KIRREL3: variants seen among roughly 807,000 people sequenced by gnomAD.
KIRREL3 encodes the protein kin of IRRE-like protein 3.
A neutral mutation model predicts 89.7 loss-of-function variants in KIRREL3; 36 were observed. The observed-to-expected ratio is 0.40, with a 90% CI of 0.31 to 0.53. The LOEUF (loss-of-function observed/expected upper bound fraction) is 0.53. Ranked by LOEUF, KIRREL3 falls within the 20% of genes least tolerant of loss-of-function variation. KIRREL3 has a pLI of 0.49. For missense variants in KIRREL3, 864 were observed against 1,056.6 expected (o/e 0.82, Z 2.53); for synonymous variants, 445 against 441.4 (o/e 1.01, Z -0.10).
In KIRREL3 at chr11:126,704,550, G is replaced by A. The variant is rs1343064351; in HGVS notation, c.56-141638C>T. On this transcript the variant is annotated intron_variant, in intron 1 of 16. Transcript: ENST00000525144. The surrounding 1 kb of genome is among the most constrained non-coding windows in gnomAD (Gnocchi z 4.2). ...GCTCTGCAGGCTTTTTCTCTAAAAG[G>A]CTGCCCTATTTGTGTTGTGTGTCCC... is the stretch of plus-strand genomic sequence containing the variant. Among the ~76,000 whole-genome samples, 4 of 152,176 alleles carry A rather than the reference G, an allele frequency of 2.6e-5. No individual in the cohort carries two copies. The highest frequency in any genetic ancestry group is 2.6e-4 in the Admixed American group (4 of 15,280).
intron 1 of KIRREL3, among the ~76,000 whole-genome samples, chr11:126,711,957 A>G (rs2134146812): frequency 6.6e-6 from 1 of 152,236 alleles, no homozygotes; most frequent in Non-Finnish European, 1.5e-5. Flanking sequence ...TCCATTGGAA[A>G]CGCCTCCTCT....
At chr11:126,437,763 C>T (rs1955413287) in intron 11 of KIRREL3, among the ~76,000 whole-genome samples, 1 of 152,134 alleles carries the variant, frequency 6.6e-6, no homozygotes. Flanking sequence ...CACCATATGC[C>T]ACAATACAAC....
At position 126,946,819 on chromosome 11, in the gene KIRREL3, A is replaced by G. The variant is rs1199956053; in HGVS notation, c.55+53636T>C. On this transcript the variant is annotated intron_variant, in intron 1 of 16. Transcript: ENST00000525144. The surrounding 1 kb of genome is among the most constrained non-coding windows in gnomAD (Gnocchi z 4.1). ...CAATTTATCTTCACGAAACAACCATATAAGTAGATATCATTGTACATTGTT... is the reference window on the plus strand; with the variant it reads ...CAATTTATCTTCACGAAACAACCATGTAAGTAGATATCATTGTACATTGTT... 6.6e-6 allele frequency among the ~76,000 whole-genome samples: 1 copy of G among 152,210 alleles called. No individual in the cohort carries two copies. Among genetic ancestry groups the G allele is most frequent in the South Asian group, 2.1e-4 (1 of 4,828 alleles).
chr11:126,580,010 T>C (rs1176915161), intron 1 of KIRREL3, among the ~76,000 whole-genome samples: 1 of 152,048 alleles, frequency 6.6e-6, no homozygotes, highest in Admixed American at 6.6e-5. Context: ...CATGCCAAGC[T>C]AATTTTTTGT....
intron 1 of KIRREL3, among the ~76,000 whole-genome samples, chr11:126,733,372 C>G (rs765984667): frequency 5.9e-5 from 9 of 152,176 alleles, no homozygotes; most frequent in Non-Finnish European, 1.3e-4. Flanking sequence ...GCTCAAGACA[C>G]CTGAGACACC....
intron 1 of KIRREL3, among the ~76,000 whole-genome samples, chr11:126,767,681 C>T (rs1440832598): frequency 6.6e-6 from 1 of 152,188 alleles, no homozygotes; most frequent in Non-Finnish European, 1.5e-5. Flanking sequence ...GGAATCCCCT[C>T]AGACATTAAA....
rs553775837 is a variant in KIRREL3 at position 126,805,016 on chromosome 11, G to T, written c.55+195439C>A. Among the ~76,000 whole-genome samples the T allele has an allele frequency of 1.3e-5, 2 of 152,206 alleles. No homozygotes were observed. The highest frequency in any genetic ancestry group is 4.8e-5 in the African/African-American group (2 of 41,454). Reference sequence around the variant, plus strand: ...TATGAGGAGATTAAGATTCAGAAAAGTTGGCTTATCATTTAAGGAGCACAG... The same window carrying T: ...TATGAGGAGATTAAGATTCAGAAAATTTGGCTTATCATTTAAGGAGCACAG... On this transcript the variant is annotated intron_variant, in intron 1 of 16. Coordinates refer to ENST00000525144, the MANE Select transcript of KIRREL3 (RefSeq NM_032531.4). The surrounding 1 kb of genome is among the most constrained non-coding windows in gnomAD (Gnocchi z 4.3).
At chr11:126,713,535 C>T (rs1288791447) in intron 1 of KIRREL3, among the ~76,000 whole-genome samples, 10 of 152,166 alleles carry the variant, frequency 6.6e-5, no homozygotes, top group Admixed American at 5.9e-4. Context: ...CGATGAAGGC[C>T]TGGGACAGGG....
chr11:126,712,260 G>GGC, intron 1 of KIRREL3, among the ~76,000 whole-genome samples: 1 of 89,572 alleles, frequency 1.1e-5, no homozygotes, highest in South Asian at 5.4e-4. Flanking sequence ...TCCAGATAAG[G>GGC]GCGAGTGTGT....
chr11:126,801,076 T>G (rs1272661266), intron 1 of KIRREL3, among the ~76,000 whole-genome samples: 2 of 152,198 alleles, frequency 1.3e-5, no homozygotes, highest in East Asian at 1.9e-4. Flanking sequence ...TTTCTGATTT[T>G]TAGAAAAACC....
intron 1 of KIRREL3, among the ~76,000 whole-genome samples, chr11:126,857,917 T>C (rs111791297): frequency 0.013 from 2,042 of 152,158 alleles, 47 homozygotes; most frequent in African/African-American, 0.047. Flanking sequence ...ACACACACCT[T>C]GGGGAAATTC....
chr11:126,471,361 ACT>A lies in KIRREL3; in HGVS notation c.591+1946_591+1947del, dbSNP rs1956886685. On this transcript the variant is annotated intron_variant, in intron 5 of 16. Coordinates refer to ENST00000525144, the MANE Select transcript of KIRREL3 (RefSeq NM_032531.4). This position sits in a 1 kb window ranked among gnomAD's most constrained non-coding sequence, Gnocchi z 5.4. ...CTCCAGTCTGGGCAACAAGAGTGAAACTCTGTCTCAAAATAAATAAATAAATA... is the reference window on the plus strand; with the variant it reads ...CTCCAGTCTGGGCAACAAGAGTGAAACTGTCTCAAAATAAATAAATAAATA... Among the ~76,000 whole-genome samples, 1 of 149,868 alleles carries A rather than the reference ACT, an allele frequency of 6.7e-6. No individual in the cohort carries two copies. The highest frequency in any genetic ancestry group is 2.1e-4 in the South Asian group (1 of 4,692).
At chr11:126,745,960 G>T (rs1302814001) in intron 1 of KIRREL3, among the ~76,000 whole-genome samples, 1 of 152,212 alleles carries the variant, frequency 6.6e-6, no homozygotes, top group Non-Finnish European at 1.5e-5. Flanking sequence ...CTTGGCCTCT[G>T]TAACAACTGA....
rs1453564196 is a variant in KIRREL3, at chr11:126,550,112, G to C, written c.133+12723C>G. 6.6e-6 allele frequency: 1 copy of C among 152,198 alleles called. No homozygotes were observed. Among genetic ancestry groups the C allele is most frequent in the Non-Finnish European group, 1.5e-5 (1 of 68,052 alleles). 9.4% of individuals were successfully genotyped at this position (152,198 alleles called of 1,614,324 possible). A position where few individuals can be genotyped will look rare whatever the true frequency, so the allele number is the denominator to read the frequency against. On this transcript the variant is annotated intron_variant, in intron 2 of 16. Coordinates refer to ENST00000525144, the MANE Select transcript of KIRREL3 (RefSeq NM_032531.4). The surrounding 1 kb of genome is among the most constrained non-coding windows in gnomAD (Gnocchi z 4.9). Reference sequence around the variant, plus strand: ...CTCCCCGCAAGACAGTGGTATCCTTGGGGGCAGGGACTGTGTTTTTACATG... The same window carrying C: ...CTCCCCGCAAGACAGTGGTATCCTTCGGGGCAGGGACTGTGTTTTTACATG...
chr11:126,644,478 C>G (rs1944586531), intron 1 of KIRREL3, among the ~76,000 whole-genome samples: 1 of 152,130 alleles, frequency 6.6e-6, no homozygotes, highest in East Asian at 1.9e-4. Context: ...GGGGTAGATG[C>G]AGGTCACTTG....
intron 1 of KIRREL3, among the ~76,000 whole-genome samples, chr11:126,695,387 C>T (rs906548484): frequency 5.0e-5 from 7 of 140,910 alleles, no homozygotes; most frequent in African/African-American, 1.6e-4. Flanking sequence ...GATCCCAAAG[C>T]CATTGGGATT....
intron 5 of KIRREL3, among the ~76,000 whole-genome samples, chr11:126,473,056 T>TATCCTCCCCTCTACCTAACCC (rs1956958517): frequency 4.9e-3 from 9 of 1,844 alleles, no homozygotes; most frequent in Non-Finnish European, 8.8e-3. Flanking sequence ...CCAGCCCCTC[T>TATCCTCCCCTCTACCTAACCC]CCCCAGCCCC....
At chr11:126,426,975 A>G (rs1394977322) in intron 15 of KIRREL3, among the ~76,000 whole-genome samples, 1 of 152,106 alleles carries the variant, frequency 6.6e-6, no homozygotes, top group African/African-American at 2.4e-5. Context: ...TGCGAGAATG[A>G]CGATATCCTC....
chr11:126,926,623 A>G (rs1336400828), intron 1 of KIRREL3, among the ~76,000 whole-genome samples: 1 of 152,072 alleles, frequency 6.6e-6, no homozygotes, highest in African/African-American at 2.4e-5. Context: ...TTGCTGCCAG[A>G]GCTCTGCCTG....
Sources: gnomAD v4.1 joint callset for allele counts (sites outside exome capture counted in the v4.1 genomes callset) on GRCh38, gnomAD v4.1.1 for gene constraint, Gnocchi (gnomAD v3.1) non-coding constraint, MANE v1.5 for transcripts, NCBI Gene and HGNC (gene_info 2026-07-23, HGNC 2026-07-21) for gene names.